ESR1: variants seen among roughly 807,000 people sequenced by gnomAD.
ESR1 encodes the protein estrogen receptor.
A neutral mutation model predicts 52.7 loss-of-function variants in ESR1; 12 were observed. That is an observed-to-expected ratio of 0.23 (90% confidence interval 0.15 to 0.37). The LOEUF is 0.37. ESR1 is among the 10% of genes least tolerant of loss of function. The pLI is 1.00. For missense variants in ESR1, 584 were observed against 779.7 expected, an observed-to-expected ratio of 0.75 and a Z score of 2.99; for synonymous variants, 305 against 316.8, an observed-to-expected ratio of 0.96 and a Z score of 0.39.
At chr6:151,692,948 C>T (rs1200088673) in intron 1 of ESR1, among the ~76,000 whole-genome samples, 1 of 152,188 alleles carries the variant, frequency 6.6e-6, no homozygotes, top group Admixed American at 6.5e-5. Flanking sequence ...GATCACTCTT[C>T]AGTAAGAATT....
intron 3 of ESR1, among the ~76,000 whole-genome samples, chr6:151,901,994 TTA>T (rs1273123775): frequency 6.6e-6 from 1 of 152,262 alleles, no homozygotes; most frequent in Non-Finnish European, 1.5e-5. Context: ...TACATTTATT[TTA>T]TGTTTGAAGT....
intron 2 of ESR1, among the ~76,000 whole-genome samples, chr6:151,789,623 G>A (rs891219362): frequency 6.6e-6 from 1 of 152,134 alleles, no homozygotes; most frequent in East Asian, 1.9e-4. Flanking sequence ...TTTTACATTT[G>A]TTTCCCTGGA....
chr6:152,024,762 A>G (rs2043988705), intron 5 of ESR1, among the ~76,000 whole-genome samples: 1 of 148,182 alleles, frequency 6.7e-6, no homozygotes, highest in South Asian at 2.1e-4. Context: ...ATGTATTTAT[A>G]TGTGTATCTA....
intron 1 of ESR1, among the ~76,000 whole-genome samples, chr6:151,657,484 T>G (rs548413509): frequency 6.6e-6 from 1 of 152,332 alleles, no homozygotes; most frequent in South Asian, 2.1e-4. Flanking sequence ...AAAATTGTTC[T>G]TAAATTTTAT....
At chr6:151,965,115 A>G (rs2038130774) in intron 4 of ESR1, among the ~76,000 whole-genome samples, 1 of 152,184 alleles carries the variant, frequency 6.6e-6, no homozygotes, top group Middle Eastern at 3.2e-3. Flanking sequence ...TTTTCTAGGC[A>G]TGTTCATACA....
chr6:152,039,810 C>T (rs932349852), intron 5 of ESR1, among the ~76,000 whole-genome samples: 35 of 152,202 alleles, frequency 2.3e-4, no homozygotes, highest in African/African-American at 8.0e-4. Flanking sequence ...TTCCACCGTT[C>T]TATCAATCCG....
At chr6:151,911,956 GCC>G (rs2128438703) in intron 3 of ESR1, among the ~76,000 whole-genome samples, 1 of 152,292 alleles carries the variant, frequency 6.6e-6, no homozygotes, top group Admixed American at 6.5e-5. Context: ...GTAGCCACTA[GCC>G]ACATGTGGCC....
At chr6:151,810,425 A>G (rs967762844) in intron 1 of ESR1, among the ~76,000 whole-genome samples, 2 of 152,206 alleles carry the variant, frequency 1.3e-5, no homozygotes, top group Non-Finnish European at 2.9e-5. Context: ...AGAAGCATCT[A>G]TGCAAGTTCT....
intron 4 of ESR1, among the ~76,000 whole-genome samples, chr6:151,953,704 C>T (rs1008130273): frequency 2.0e-5 from 3 of 150,908 alleles, no homozygotes; most frequent in African/African-American, 7.3e-5. Flanking sequence ...CGGAGTGAGA[C>T]TCCGTCTAAA....
At chr6:151,953,591 G>A (rs2036563559) in intron 4 of ESR1, among the ~76,000 whole-genome samples, 1 of 151,936 alleles carries the variant, frequency 6.6e-6, no homozygotes, top group Admixed American at 6.6e-5. Context: ...TGTGGTGGTG[G>A]GTACCTGTAG....
chr6:151,762,280 T>C (rs1784716529), intron 2 of ESR1, among the ~76,000 whole-genome samples: 2 of 152,250 alleles, frequency 1.3e-5, no homozygotes, highest in Admixed American at 6.5e-5. Flanking sequence ...CTAAGGTGTA[T>C]GCATGTTTTT....
chr6:152,127,652 C>G (rs1256493960), exon 7 of ESR1: 1 of 152,190 alleles, frequency 6.6e-6, no homozygotes, highest in African/African-American at 2.4e-5. Flanking sequence ...CTATCGGAGC[C>G]TTACCCTACA....
At chr6:151,899,668 T>C (rs1263153377) in intron 3 of ESR1, among the ~76,000 whole-genome samples, 1 of 149,606 alleles carries the variant, frequency 6.7e-6, no homozygotes, top group Non-Finnish European at 1.5e-5. Flanking sequence ...GAGGGGCTCC[T>C]CACTTCTCAG....
rs115036527 is a variant in ESR1, at chr6:151,783,143, C to A, written c.-70-24700C>A. ...GCAATGACTGTCACAGTGACTTGTGCTCGGTTGAGGAGCAAGTGGTGGCTG... is the reference window on the plus strand; with the variant it reads ...GCAATGACTGTCACAGTGACTTGTGATCGGTTGAGGAGCAAGTGGTGGCTG... On this transcript the variant is annotated intron_variant, in intron 2 of 2. Coordinates refer to the ESR1 transcript ENST00000404742. 4.3e-3 allele frequency among the ~76,000 whole-genome samples: 661 copies of A among 152,330 alleles called. 3 individuals are homozygous for A. Among genetic ancestry groups the A allele is most frequent in the African/African-American group, 0.014 (568 of 41,566 alleles).
intron 3 of ESR1, among the ~76,000 whole-genome samples, chr6:151,905,935 C>G (rs956703984): frequency 5.3e-5 from 8 of 152,146 alleles, no homozygotes; most frequent in Non-Finnish European, 1.2e-4. Flanking sequence ...ATGAAACCCA[C>G]TTATGCCTAG....
At chr6:152,010,824 A>T (rs1038967573) in intron 4 of ESR1, among the ~76,000 whole-genome samples, 1 of 151,886 alleles carries the variant, frequency 6.6e-6, no homozygotes, top group Non-Finnish European at 1.5e-5. Context: ...AAACATTAGG[A>T]TTGCTTCTTA....
chr6:151,835,631 G>C (rs745566232), intron 1 of ESR1, among the ~76,000 whole-genome samples: 2 of 152,298 alleles, frequency 1.3e-5, no homozygotes, highest in Non-Finnish European at 2.9e-5. Context: ...TTTTCCAGGA[G>C]AGATGAAATG....
intron 6 of ESR1, among the ~76,000 whole-genome samples, chr6:152,115,333 C>T (rs1218820982): frequency 6.6e-6 from 1 of 152,148 alleles, no homozygotes; most frequent in Non-Finnish European, 1.5e-5. Flanking sequence ...TGCTGATGAA[C>T]ATCTAGGTTG....
At chr6:151,755,575 G>C (rs545886057) in intron 2 of ESR1, among the ~76,000 whole-genome samples, 8 of 152,124 alleles carry the variant, frequency 5.3e-5, no homozygotes, top group Non-Finnish European at 2.9e-5. Flanking sequence ...TGTCCTGCCA[G>C]TCAGCTCTGT....
Sources: allele counts gnomAD v4.1 joint callset (sites outside exome capture counted in the v4.1 genomes callset), GRCh38; gene constraint gnomAD v4.1.1; transcripts MANE v1.5; gene names NCBI Gene and HGNC (gene_info 2026-07-23, HGNC 2026-07-21).